The following SDK1 variants were observed in gnomAD, a reference collection of about 807,000 sequenced individuals.
The protein encoded by SDK1 is protein sidekick-1.
SDK1 carries 157 observed loss-of-function variants against 245.5 expected under a neutral mutation model. The ratio of observed to expected loss-of-function variants is 0.64; its 90% CI spans 0.56 to 0.73. SDK1 has a LOEUF of 0.73. SDK1 is among the 30% of genes least tolerant of loss of function. The pLI is 0.00. For synonymous variants in SDK1, 1,647 were observed against 1,278.5 expected, an observed-to-expected ratio of 1.29 and a Z score of -6.15; for missense variants, 3,583 against 3,002.3, an observed-to-expected ratio of 1.19 and a Z score of -4.52.
chr7:3,689,536 CT>C (rs1246038616), intron 4 of SDK1, among the ~76,000 whole-genome samples: 2 of 152,144 alleles, frequency 1.3e-5, no homozygotes, highest in Non-Finnish European at 2.9e-5. Context: ...AGAAAATAAT[CT>C]CTTGTTTTTT....
chr7:3,531,043 C>G (rs1023798967), intron 1 of SDK1, among the ~76,000 whole-genome samples: 2 of 152,186 alleles, frequency 1.3e-5, no homozygotes, highest in East Asian at 1.9e-4. Flanking sequence ...CACTATAACT[C>G]TGCTTCATAT....
At chr7:3,948,258 T>TC (rs1780657252) in intron 5 of SDK1, among the ~76,000 whole-genome samples, 1 of 138,906 alleles carries the variant, frequency 7.2e-6, no homozygotes, top group African/African-American at 2.8e-5. Context: ...TTGCTTTTTT[T>TC]TTTTTTTTTT....
intron 44 of SDK1, among the ~76,000 whole-genome samples, chr7:4,263,479 C>T (rs1209917749): frequency 1.4e-5 from 2 of 141,450 alleles, no homozygotes; most frequent in Non-Finnish European, 3.1e-5. Context: ...AGGGAGTCCG[C>T]GTAGATCTCT....
At chr7:3,915,369 A>G (rs186012058) in intron 5 of SDK1, among the ~76,000 whole-genome samples, 1 of 152,198 alleles carries the variant, frequency 6.6e-6, no homozygotes, top group East Asian at 1.9e-4. Flanking sequence ...TAGCTCCCAT[A>G]ATTCCCACGT....
At chr7:3,461,946 A>G (rs12674437) in intron 1 of SDK1, among the ~76,000 whole-genome samples, 3 of 152,114 alleles carry the variant, frequency 2.0e-5, no homozygotes, top group Non-Finnish European at 4.4e-5. Context: ...TTTCATCGGC[A>G]TTTAAGCATG....
chr7:4,223,718 G>A (rs1273815229), intron 40 of SDK1, among the ~76,000 whole-genome samples: 2 of 152,190 alleles, frequency 1.3e-5, no homozygotes, highest in South Asian at 2.1e-4. Context: ...TCATTGGGAG[G>A]TATTGGGGGT....
chr7:4,196,294 A>G (rs1783572803), intron 35 of SDK1, among the ~76,000 whole-genome samples: 1 of 152,154 alleles, frequency 6.6e-6, no homozygotes, highest in South Asian at 2.1e-4. Context: ...CACCCTCTGC[A>G]GCCTGTGACC....
intron 28 of SDK1, among the ~76,000 whole-genome samples, chr7:4,139,295 T>C (rs990155661): frequency 6.6e-6 from 1 of 152,246 alleles, no homozygotes; most frequent in African/African-American, 2.4e-5. Flanking sequence ...TCATGGGTTT[T>C]TTTTTCCTGC....
Position 3,788,359 on chromosome 7 carries a change from A to C in SDK1, c.714-33091A>C, listed in dbSNP as rs1834086430. 3.9e-5 allele frequency among the ~76,000 whole-genome samples: 6 copies of C among 152,262 alleles called. No homozygotes were observed. In the South Asian group the frequency reaches 1.2e-3, roughly 32 times the overall value. On this transcript the variant is annotated intron_variant, in intron 4 of 44. Coordinates refer to ENST00000404826, the MANE Select transcript of SDK1 (RefSeq NM_152744.4). Reference sequence around the variant, plus strand: ...TGTGAAACTCCACAAGGAGTTTGAGAAATGCAGTCTCGTGCTTTCTAGCTT... The same window carrying C: ...TGTGAAACTCCACAAGGAGTTTGAGCAATGCAGTCTCGTGCTTTCTAGCTT...
intron 5 of SDK1, among the ~76,000 whole-genome samples, chr7:3,825,051 C>T (rs765889185): frequency 6.6e-6 from 1 of 152,060 alleles, no homozygotes; most frequent in Non-Finnish European, 1.5e-5. Context: ...TGATGTGAAG[C>T]CAGCAGATGT....
chr7:3,348,060 C>T (rs748921823), intron 1 of SDK1, among the ~76,000 whole-genome samples: 3 of 152,176 alleles, frequency 2.0e-5, no homozygotes, highest in African/African-American at 4.8e-5. Context: ...CAGCCCTGCA[C>T]TTCTGTGAGG....
rs7789115 is a variant in SDK1 at position 4,079,361 on chromosome 7, A to G, written c.3203-102A>G. 0.019 allele frequency: 25,806 copies of G among 1,375,610 alleles called. 2,747 individuals carry two copies. The African/African-American group carries it at 0.28, about 15-fold the overall frequency. 85.2% of individuals were successfully genotyped at this position (1,375,610 alleles called of 1,614,324 possible). ...AGAGCAAATCCTTTTTTGGTATAGA[A>G]TCGTTTTGAAACTGTTTACTTTTGA... On this transcript the variant is annotated intron_variant, in intron 21 of 44. Coordinates refer to ENST00000404826, the MANE Select transcript of SDK1 (RefSeq NM_152744.4).
intron 1 of SDK1, among the ~76,000 whole-genome samples, chr7:3,568,153 A>G (rs904299442): frequency 2.6e-5 from 4 of 152,162 alleles, no homozygotes; most frequent in African/African-American, 9.7e-5. Flanking sequence ...TCATTAAGAG[A>G]TTTGTTGTTT....
At chr7:3,448,409 G>C (rs1421871593) in intron 1 of SDK1, among the ~76,000 whole-genome samples, 1 of 151,506 alleles carries the variant, frequency 6.6e-6, no homozygotes, top group African/African-American at 2.4e-5. Context: ...TTAACTGTTT[G>C]GTTATTTATT....
intron 1 of SDK1, among the ~76,000 whole-genome samples, chr7:3,452,182 G>C (rs1040770088): frequency 5.9e-5 from 9 of 152,158 alleles, no homozygotes; most frequent in African/African-American, 1.9e-4. Context: ...TGTCGTGTCA[G>C]CTTTCTTTAG....
chr7:3,990,113 A>C lies in SDK1; in HGVS notation c.2131+2791A>C, dbSNP rs557155632. Among the ~76,000 whole-genome samples, 60 of 152,332 alleles carry C rather than the reference A, an allele frequency of 3.9e-4. No individual in the cohort carries two copies. In the South Asian group the frequency reaches 0.012, roughly 31 times the overall value. ...GGTCTGTGTGGACGTGGAGGAAGCC[A>C]CTCTGTGAATCTGAAGAACCATTAT... On this transcript the variant is annotated intron_variant, in intron 14 of 44. Coordinates refer to ENST00000404826, the MANE Select transcript of SDK1 (RefSeq NM_152744.4).
At chr7:4,211,041 G>T (rs1163529656) in intron 38 of SDK1, among the ~76,000 whole-genome samples, 2 of 152,136 alleles carry the variant, frequency 1.3e-5, no homozygotes, top group East Asian at 3.9e-4. Flanking sequence ...TGGGGTGCAG[G>T]CACTGCAGGC....
At chr7:3,935,925 A>G in intron 5 of SDK1, among the ~76,000 whole-genome samples, 1 of 152,236 alleles carries the variant, frequency 6.6e-6, no homozygotes, top group East Asian at 1.9e-4. Flanking sequence ...AGAGAGTTGA[A>G]CAGATGTTTG....
At chr7:3,843,573 T>C (rs1463357020) in intron 5 of SDK1, among the ~76,000 whole-genome samples, 2 of 152,258 alleles carry the variant, frequency 1.3e-5, no homozygotes, top group Non-Finnish European at 2.9e-5. Flanking sequence ...TAATTCATTA[T>C]GCTTTTGATG....
Sources: gnomAD v4.1 joint callset for allele counts (sites outside exome capture counted in the v4.1 genomes callset) on GRCh38, gnomAD v4.1.1 for gene constraint, MANE v1.5 for transcripts, NCBI Gene and HGNC (gene_info 2026-07-23, HGNC 2026-07-21) for gene names.